Variants in KCNK2 observed in about 807,000 individuals in gnomAD.
The protein encoded by KCNK2 is potassium channel subfamily K member 2.
A neutral mutation model predicts 40.5 loss-of-function variants in KCNK2; 21 were observed. The ratio of observed to expected loss-of-function variants is 0.52; its 90% CI spans 0.37 to 0.75. The LOEUF is 0.75. KCNK2 is among the 30% of genes least tolerant of loss of function. The pLI is 0.00. For missense variants in KCNK2, 399 were observed against 531.6 expected, an observed-to-expected ratio of 0.75 and a Z score of 2.45; for synonymous variants, 191 against 202.2, an observed-to-expected ratio of 0.94 and a Z score of 0.47.
chr1:215,174,687 A>G (rs1663872667), intron 5 of KCNK2, among the ~76,000 whole-genome samples: 1 of 152,130 alleles, frequency 6.6e-6, no homozygotes. Flanking sequence ...GGTCCTTCAC[A>G]TCCCTTGTAA....
In KCNK2 at chr1:215,224,530, A is replaced by G. The variant is rs536732986; in HGVS notation, c.964-10298A>G. 1.1e-4 allele frequency among the ~76,000 whole-genome samples: 17 copies of G among 152,258 alleles called. No individual in the cohort carries two copies. In the East Asian group the frequency reaches 2.9e-3, roughly 26 times the overall value. On this transcript the variant is annotated intron_variant, in intron 6 of 6. Transcript: ENST00000444842. ...CTCCTTAGAAATGCAGTTAATAAAG[A>G]CCACTTAAAAAATGCAATGAAAAAA...
chr1:215,046,218 T>C (rs1478516064), intron 1 of KCNK2, among the ~76,000 whole-genome samples: 3 of 152,088 alleles, frequency 2.0e-5, no homozygotes, highest in African/African-American at 7.2e-5. Context: ...ATTTGGAAAA[T>C]ATGATTTGAG....
intron 2 of KCNK2, among the ~76,000 whole-genome samples, chr1:215,087,672 T>C (rs1264417352): frequency 6.6e-6 from 1 of 152,252 alleles, no homozygotes; most frequent in African/African-American, 2.4e-5. Context: ...AAATTATCTG[T>C]GAGTCATCAT....
intron 1 of KCNK2, among the ~76,000 whole-genome samples, chr1:215,048,868 C>A (rs1375997294): frequency 6.6e-6 from 1 of 152,076 alleles, no homozygotes; most frequent in Non-Finnish European, 1.5e-5. Flanking sequence ...TGAGTGGTAT[C>A]CCGTGGCATG....
chr1:215,162,780 A>G (rs1489771087), intron 3 of KCNK2, among the ~76,000 whole-genome samples: 4 of 151,410 alleles, frequency 2.6e-5, no homozygotes, highest in Admixed American at 2.6e-4. Flanking sequence ...ATTGGTCTAT[A>G]TATACATCTG....
intron 1 of KCNK2, among the ~76,000 whole-genome samples, chr1:215,052,497 C>G (rs1658025374): frequency 6.6e-6 from 1 of 152,134 alleles, no homozygotes; most frequent in Non-Finnish European, 1.5e-5. Flanking sequence ...TCAAGACTTG[C>G]TATTAGATTC....
intron 2 of KCNK2, among the ~76,000 whole-genome samples, chr1:215,115,726 C>CT (rs5780816): frequency 6.6e-6 from 1 of 150,780 alleles, no homozygotes; most frequent in African/African-American, 2.4e-5. Context: ...TCATGCTTTC[C>CT]TTTTTTTTTT....
At chr1:215,124,541 T>C (rs1198592583) in intron 2 of KCNK2, 92 bp from the exon 3 acceptor site, 3 of 789,518 alleles carry the variant, frequency 3.8e-6, no homozygotes, top group African/African-American at 1.7e-5. Flanking sequence ...TGATTCTCTT[T>C]GTCAAATAAG....
chr1:215,044,226 A>G (rs1377176), intron 1 of KCNK2, among the ~76,000 whole-genome samples: 129,514 of 152,138 alleles, frequency 0.85, 55,394 homozygotes, highest in East Asian at 0.99. Context: ...AGCAGGGAGA[A>G]AAAGGGCAAC....
intron 3 of KCNK2, among the ~76,000 whole-genome samples, chr1:215,159,503 G>A (rs1423496031): frequency 6.6e-6 from 1 of 151,876 alleles, no homozygotes; most frequent in Non-Finnish European, 1.5e-5. Context: ...ACGGTTATAG[G>A]GTTTTTTCTA....
chr1:215,199,517 G>A (rs1282675383), intron 6 of KCNK2, among the ~76,000 whole-genome samples: 1 of 152,058 alleles, frequency 6.6e-6, no homozygotes, highest in Non-Finnish European at 1.5e-5. Flanking sequence ...TCTGCATCAA[G>A]GAAAACAATA....
intron 4 of KCNK2, among the ~76,000 whole-genome samples, chr1:215,171,709 G>T (rs1663716640): frequency 6.6e-6 from 1 of 152,038 alleles, no homozygotes; most frequent in Non-Finnish European, 1.5e-5. Flanking sequence ...CCTTTCAAAA[G>T]AATTTCACCT....
intron 3 of KCNK2, among the ~76,000 whole-genome samples, chr1:215,131,478 T>G (rs1001699444): frequency 6.8e-6 from 1 of 147,346 alleles, no homozygotes. Flanking sequence ...TATATTGATA[T>G]TAATGTATGC....
At chr1:215,012,765 T>TTTAAA (rs1421587867) in intron 1 of KCNK2, among the ~76,000 whole-genome samples, 5 of 151,952 alleles carry the variant, frequency 3.3e-5, no homozygotes, top group African/African-American at 1.2e-4. Context: ...GAGAGTTCAT[T>TTTAAA]TTAAATTAAG....
intron 1 of KCNK2, among the ~76,000 whole-genome samples, chr1:215,029,098 T>A (rs1657095965): frequency 6.6e-6 from 1 of 151,874 alleles, no homozygotes. Flanking sequence ...CCCACCAGAG[T>A]TTTTTTAAAA....
At chr1:215,065,645 T>G (rs1571879982) in intron 1 of KCNK2, among the ~76,000 whole-genome samples, 1 of 152,310 alleles carries the variant, frequency 6.6e-6, no homozygotes, top group East Asian at 1.9e-4. Context: ...TTTAGGAACT[T>G]GTTCATGTAA....
At chr1:215,130,925 A>G (rs1294766896) in intron 3 of KCNK2, among the ~76,000 whole-genome samples, 1 of 151,914 alleles carries the variant, frequency 6.6e-6, no homozygotes, top group Non-Finnish European at 1.5e-5. Context: ...CAGTGGCACA[A>G]TCTCGGCTCA....
intron 4 of KCNK2, 54 bp from the exon 5 acceptor site, chr1:215,171,939 TCTCC>T: frequency 1.1e-6 from 1 of 936,990 alleles, no homozygotes; most frequent in Non-Finnish European, 1.5e-6. Context: ...TCTCTCTCTC[TCTCC>T]CCCCATTTAT....
intron 6 of KCNK2, among the ~76,000 whole-genome samples, chr1:215,204,302 T>C (rs1038380866): frequency 6.6e-6 from 1 of 151,804 alleles, no homozygotes; most frequent in Non-Finnish European, 1.5e-5. Flanking sequence ...GGTTGAATTC[T>C]CAGTATAAAT....
Sources: allele counts gnomAD v4.1 joint callset (sites outside exome capture counted in the v4.1 genomes callset), GRCh38; gene constraint gnomAD v4.1.1; transcripts MANE v1.5; gene names NCBI Gene and HGNC (gene_info 2026-07-23, HGNC 2026-07-21).